The following TANGO6 variants were observed in gnomAD, a reference collection of about 807,000 sequenced individuals.
TANGO6 encodes the protein transport and Golgi organization protein 6 homolog.
In TANGO6, 90 loss-of-function variants were observed where a neutral mutation model predicts 114.2. That is an observed-to-expected ratio of 0.79 (90% CI 0.66 to 0.94). The LOEUF (loss-of-function observed/expected upper bound fraction) is 0.94. TANGO6 is among the 40% of genes least tolerant of loss of function. TANGO6 has a pLI of 0.00. For missense variants in TANGO6, 1,274 were observed against 1,315.3 expected (o/e 0.97, Z 0.49); for synonymous variants, 477 against 509.8 (o/e 0.94, Z 0.87).
intron 16 of TANGO6, among the ~76,000 whole-genome samples, chr16:69,036,506 C>T (rs1161248123): frequency 6.6e-6 from 1 of 152,128 alleles, no homozygotes; most frequent in African/African-American, 2.4e-5. Context: ...GGGCCTCTTC[C>T]TGATTGTCCT....
At chr16:68,987,097 A>G (rs1471665846) in intron 15 of TANGO6, among the ~76,000 whole-genome samples, 1 of 152,202 alleles carries the variant, frequency 6.6e-6, no homozygotes, top group African/African-American at 2.4e-5. Context: ...TAGGCTGGCC[A>G]TACCACAATT....
intron 15 of TANGO6, among the ~76,000 whole-genome samples, chr16:68,978,725 T>C (rs980386498): frequency 6.6e-6 from 1 of 151,810 alleles, no homozygotes; most frequent in Admixed American, 6.6e-5. Context: ...GTGGTGGGAG[T>C]TGGTGGGAGA....
chr16:68,947,778 G>A (rs559104150), intron 14 of TANGO6, among the ~76,000 whole-genome samples: 5 of 152,020 alleles, frequency 3.3e-5, no homozygotes, highest in South Asian at 2.1e-4. Flanking sequence ...TTTTAGTAGA[G>A]ATGGGGTTTC....
At chr16:68,965,649 A>G (rs1284820509) in intron 14 of TANGO6, among the ~76,000 whole-genome samples, 1 of 151,880 alleles carries the variant, frequency 6.6e-6, no homozygotes, top group Non-Finnish European at 1.5e-5. Flanking sequence ...TAAAAATACA[A>G]AATTAGCCAG....
At chr16:69,024,933 G>C (rs1338787321) in intron 16 of TANGO6, among the ~76,000 whole-genome samples, 1 of 152,114 alleles carries the variant, frequency 6.6e-6, no homozygotes, top group Non-Finnish European at 1.5e-5. Context: ...TTAGCCTCTT[G>C]AGTAGCTAGG....
At chr16:68,854,679 A>G (rs1961957512) in intron 1 of TANGO6, among the ~76,000 whole-genome samples, 1 of 150,604 alleles carries the variant, frequency 6.6e-6, no homozygotes, top group Non-Finnish European at 1.5e-5. Context: ...TTGGTAAAGG[A>G]ATTTTCTTTC....
intron 15 of TANGO6, among the ~76,000 whole-genome samples, chr16:68,989,120 C>A (rs1403597457): frequency 1.3e-5 from 2 of 152,184 alleles, no homozygotes; most frequent in African/African-American, 4.8e-5. Flanking sequence ...ACCTTGGCCT[C>A]CCAAAGTGCT....
chr16:69,047,427 A>G (rs554749862), intron 17 of TANGO6, among the ~76,000 whole-genome samples: 1 of 151,982 alleles, frequency 6.6e-6, no homozygotes, highest in South Asian at 2.1e-4. Context: ...CCTGGGAGGC[A>G]GAGGTTGCAG....
At chr16:69,062,394 G>A (rs1161059456) in intron 17 of TANGO6, among the ~76,000 whole-genome samples, 1 of 152,148 alleles carries the variant, frequency 6.6e-6, no homozygotes, top group African/African-American at 2.4e-5. Flanking sequence ...TAGATTGTTA[G>A]TTTCCTGGGG....
chr16:68,891,049 T>C (rs1962607395), intron 7 of TANGO6, among the ~76,000 whole-genome samples: 1 of 146,366 alleles, frequency 6.8e-6, no homozygotes, highest in African/African-American at 2.5e-5. Context: ...AAAAAGACTT[T>C]GGGAGGCCGA....
chr16:68,947,450 C>A (rs1306434363), intron 14 of TANGO6, among the ~76,000 whole-genome samples: 2 of 149,622 alleles, frequency 1.3e-5, no homozygotes, highest in East Asian at 2.0e-4. Context: ...AAGACTCCGT[C>A]TCAAAAAAAA....
intron 16 of TANGO6, chr16:69,034,143 T>A (rs1959648416): frequency 6.5e-6 from 1 of 154,012 alleles, no homozygotes; most frequent in South Asian, 1.8e-4. Context: ...ATTGTCCCTA[T>A]GCGGAGAGGT....
intron 1 of TANGO6, among the ~76,000 whole-genome samples, chr16:68,848,716 T>C (rs922778229): frequency 2.0e-5 from 3 of 152,170 alleles, no homozygotes; most frequent in African/African-American, 7.2e-5. Flanking sequence ...GAATAATAAA[T>C]TAGTGTCTTA....
intron 12 of TANGO6, among the ~76,000 whole-genome samples, chr16:68,926,370 T>C (rs1225168028): frequency 6.6e-6 from 1 of 151,120 alleles, no homozygotes; most frequent in Non-Finnish European, 1.5e-5. Flanking sequence ...GGCGTGTGCC[T>C]GTAGTCCCAG....
At chr16:69,072,578 G>T (rs1960313905) in intron 17 of TANGO6, among the ~76,000 whole-genome samples, 1 of 152,106 alleles carries the variant, frequency 6.6e-6, no homozygotes, top group South Asian at 2.1e-4. Context: ...TTTGATCCTT[G>T]GGGAGTCCAG....
At chr16:68,995,944 G>C (rs1283173893) in intron 15 of TANGO6, among the ~76,000 whole-genome samples, 1 of 152,150 alleles carries the variant, frequency 6.6e-6, no homozygotes, top group Non-Finnish European at 1.5e-5. Flanking sequence ...TCAGATTCTT[G>C]TGAGGTTCAA....
At chr16:69,042,580 C>G in intron 17 of TANGO6, among the ~76,000 whole-genome samples, 1 of 152,136 alleles carries the variant, frequency 6.6e-6, no homozygotes, top group Non-Finnish European at 1.5e-5. Context: ...TAGGGACAGA[C>G]TTGCTCATTA....
chr16:68,963,858 C>T (rs1332435314), intron 14 of TANGO6, among the ~76,000 whole-genome samples: 1 of 152,198 alleles, frequency 6.6e-6, no homozygotes, highest in Non-Finnish European at 1.5e-5. Flanking sequence ...TAGTTTTGTT[C>T]TATTTACCCA....
At chr16:68,944,119 G>A (rs1249250245) in intron 14 of TANGO6, among the ~76,000 whole-genome samples, 1 of 152,154 alleles carries the variant, frequency 6.6e-6, no homozygotes, top group African/African-American at 2.4e-5. Flanking sequence ...TGGTCTTTTA[G>A]TTTAGTTTTA....
Sources: gnomAD v4.1 joint callset for allele counts (sites outside exome capture counted in the v4.1 genomes callset) on GRCh38, gnomAD v4.1.1 for gene constraint, MANE v1.5 for transcripts, NCBI Gene and HGNC (gene_info 2026-07-23, HGNC 2026-07-21) for gene names.